FAM135B: variants seen among roughly 807,000 people sequenced by gnomAD.
FAM135B encodes the protein family with sequence similarity 135 member B.
Under a neutral mutation model 127.7 loss-of-function variants are expected in FAM135B, and 43 were observed. That is an observed-to-expected ratio of 0.34 (90% CI 0.26 to 0.43). The LOEUF is 0.43. FAM135B is among the 20% of genes least tolerant of loss of function. The pLI is 1.00. For synonymous variants in FAM135B, 670 were observed against 665.1 expected (o/e 1.01, Z -0.11); for missense variants, 1,558 against 1,725.6 (o/e 0.90, Z 1.72).
At chr8:138,376,376 C>T (rs1291900415) in intron 1 of FAM135B, among the ~76,000 whole-genome samples, 2 of 152,222 alleles carry the variant, frequency 1.3e-5, no homozygotes, top group East Asian at 1.9e-4. Context: ...TCAGCATCCT[C>T]TTTCCTGAAT....
intron 3 of FAM135B, among the ~76,000 whole-genome samples, chr8:138,295,162 G>A (rs1825394538): frequency 8.5e-6 from 1 of 117,280 alleles, no homozygotes; most frequent in Non-Finnish European, 1.6e-5. Context: ...GCTCCTCAAT[G>A]CACAAGCACA....
Position 138,242,941 on chromosome 8 carries a change from C to A in FAM135B, c.669+1G>T, listed in dbSNP as rs2130381380. ...AAGCAACTGCCCCACACAGGCCTTA[C>A]CTCTGAGGAAGTCGGCTTGCAGTAC... On this transcript the variant is annotated splice_donor_variant, in intron 7 of 19. Transcript: ENST00000395297. LOFTEE classifies it high-confidence loss of function. This position sits in a 1 kb window ranked among gnomAD's most constrained non-coding sequence, Gnocchi z 9.6. 6.2e-7 allele frequency: 1 copy of A among 1,613,306 alleles called. No homozygotes were observed. Among genetic ancestry groups the A allele is most frequent in the Non-Finnish European group, 8.5e-7 (1 of 1,179,640 alleles).
chr8:138,187,560 A>C (rs1303263672), intron 9 of FAM135B, among the ~76,000 whole-genome samples: 15 of 152,128 alleles, frequency 9.9e-5, no homozygotes, highest in Admixed American at 9.8e-4. Flanking sequence ...TCTGTAACTC[A>C]CTGGGAAATT....
chr8:138,275,244 C>T (rs532073027), intron 3 of FAM135B, among the ~76,000 whole-genome samples: 1 of 152,322 alleles, frequency 6.6e-6, no homozygotes, highest in African/African-American at 2.4e-5. Flanking sequence ...CGCAACAGCA[C>T]ATCCTGTGGA....
At chr8:138,280,024 A>C (rs765259075) in intron 3 of FAM135B, among the ~76,000 whole-genome samples, 1 of 152,218 alleles carries the variant, frequency 6.6e-6, no homozygotes, top group Non-Finnish European at 1.5e-5. Flanking sequence ...AAAGTCATGT[A>C]GTTTTATAAA....
chr8:138,394,164 T>G (rs551638269), intron 1 of FAM135B, among the ~76,000 whole-genome samples: 1 of 152,174 alleles, frequency 6.6e-6, no homozygotes, highest in South Asian at 2.1e-4. Flanking sequence ...CTAGGGGACA[T>G]ACCCTCATAT....
chr8:138,412,327 G>T (rs560054893), intron 1 of FAM135B, among the ~76,000 whole-genome samples: 2 of 152,340 alleles, frequency 1.3e-5, no homozygotes, highest in Admixed American at 1.3e-4. Flanking sequence ...GACTCAGGCA[G>T]ATAATCCAGC....
At chr8:138,494,399 C>T (rs1307094054) in intron 1 of FAM135B, among the ~76,000 whole-genome samples, 1 of 152,194 alleles carries the variant, frequency 6.6e-6, no homozygotes, top group African/African-American at 2.4e-5. Context: ...ATCAAATCAA[C>T]AGAAAGGACA....
At position 138,241,089 on chromosome 8, in the gene FAM135B, G is replaced by C. The variant is rs1375120809; in HGVS notation, c.669+1853C>G. Among the ~76,000 whole-genome samples, 1 of 152,136 alleles carries C rather than the reference G, an allele frequency of 6.6e-6. No individual in the cohort carries two copies. The highest frequency in any genetic ancestry group is 1.5e-5 in the Non-Finnish European group (1 of 68,026). On this transcript the variant is annotated intron_variant, in intron 7 of 19. Transcript: ENST00000395297. This position sits in a 1 kb window ranked among gnomAD's most constrained non-coding sequence, Gnocchi z 4.8. The stretch of plus-strand genomic sequence containing the variant: ...CTGAAGGAAGGAAGACTGGACATAG[G>C]GAGAAGCTGAACTGTGATGTAGTCA...
At chr8:138,179,566 G>T (rs1266955643) in intron 9 of FAM135B, among the ~76,000 whole-genome samples, 9 of 152,182 alleles carry the variant, frequency 5.9e-5, no homozygotes, top group Non-Finnish European at 4.4e-5. Flanking sequence ...CATAGTAAGT[G>T]TTTAAAAAAC....
chr8:138,269,904 G>A (rs947435328), intron 3 of FAM135B, among the ~76,000 whole-genome samples: 37 of 152,156 alleles, frequency 2.4e-4, no homozygotes, highest in Admixed American at 3.9e-4. Context: ...GTGAATTTTC[G>A]GACCCTTTCT....
intron 1 of FAM135B, among the ~76,000 whole-genome samples, chr8:138,426,469 T>C (rs1290205381): frequency 6.6e-6 from 1 of 151,394 alleles, no homozygotes; most frequent in Admixed American, 6.6e-5. Context: ...TGTGCCATTC[T>C]TGGTGATATA....
intron 12 of FAM135B, among the ~76,000 whole-genome samples, chr8:138,155,207 T>A (rs1331896237): frequency 6.6e-6 from 1 of 152,128 alleles, no homozygotes; most frequent in Non-Finnish European, 1.5e-5. Context: ...GCTTCATAAG[T>A]GAAGGAGAAA....
chr8:138,378,791 G>A (rs1831653388), intron 1 of FAM135B, among the ~76,000 whole-genome samples: 1 of 151,834 alleles, frequency 6.6e-6, no homozygotes, highest in South Asian at 2.1e-4. Context: ...ACAATGCCAA[G>A]TTCCTGTTTT....
In FAM135B at chr8:138,417,560, T is replaced by G. The variant is rs527332977; in HGVS notation, c.-19-49558A>C. Among the ~76,000 whole-genome samples the G allele has an allele frequency of 5.9e-5, 9 of 152,284 alleles. No homozygotes were observed. The South Asian group carries it at 1.7e-3, about 28-fold the overall frequency. Reference sequence around the variant, plus strand: ...CCCTGCTGAAGCATGCTTGCCAGCATTGCCCATGACAGTATTGTTACCAAT... The same window carrying G: ...CCCTGCTGAAGCATGCTTGCCAGCAGTGCCCATGACAGTATTGTTACCAAT... On this transcript the variant is annotated intron_variant, in intron 1 of 19. Coordinates refer to ENST00000395297, the MANE Select transcript of FAM135B (RefSeq NM_015912.4).
chr8:138,283,818 C>A (rs966162738), intron 3 of FAM135B, among the ~76,000 whole-genome samples: 2 of 151,968 alleles, frequency 1.3e-5, no homozygotes, highest in Admixed American at 6.6e-5. Context: ...GGAAGACTTT[C>A]CAGGGAGGAA....
intron 7 of FAM135B, 128 bp from the exon 8 acceptor site, chr8:138,197,797 C>A (rs1328456606): frequency 2.1e-6 from 2 of 967,780 alleles, no homozygotes; most frequent in African/African-American, 1.6e-5. Flanking sequence ...AGGAAGCAGA[C>A]CCCATCCTGA....
chr8:138,470,409 A>G (rs1034118782), intron 1 of FAM135B, among the ~76,000 whole-genome samples: 9 of 152,200 alleles, frequency 5.9e-5, no homozygotes, highest in African/African-American at 2.2e-4. Flanking sequence ...TAAAGGCAGG[A>G]GCTCACTGTG....
chr8:138,319,066 C>A (rs1206566635), intron 2 of FAM135B, among the ~76,000 whole-genome samples: 2 of 143,580 alleles, frequency 1.4e-5, no homozygotes, highest in African/African-American at 2.6e-5. Flanking sequence ...AGTTCACAGA[C>A]TCAGTAAGTA....
Sources: gnomAD v4.1 joint callset for allele counts (sites outside exome capture counted in the v4.1 genomes callset) on GRCh38, gnomAD v4.1.1 for gene constraint, Gnocchi (gnomAD v3.1) non-coding constraint, MANE v1.5 for transcripts, NCBI Gene and HGNC (gene_info 2026-07-23, HGNC 2026-07-21) for gene names.